The following RGS18 variants were observed in gnomAD, a reference collection of about 807,000 sequenced individuals.
RGS18 encodes regulator of G-protein signaling 18.
Under a neutral mutation model 27.6 loss-of-function variants are expected in RGS18, and 22 were observed. The observed-to-expected ratio is 0.80, with a 90% CI of 0.57 to 1.14. RGS18 has a LOEUF of 1.14. RGS18 is among the 50% of genes most tolerant of loss of function. RGS18 has a pLI of 0.00. For synonymous variants in RGS18, 89 were observed against 84.6 expected, an observed-to-expected ratio of 1.05 and a Z score of -0.29; for missense variants, 299 against 269.6, an observed-to-expected ratio of 1.11 and a Z score of -0.76.
intron 3 of RGS18, among the ~76,000 whole-genome samples, chr1:192,171,825 A>G (rs2102155607): frequency 6.6e-6 from 1 of 152,248 alleles, no homozygotes; most frequent in East Asian, 1.9e-4. Flanking sequence ...AAATGGTGAT[A>G]CAAAAAGAAT....
rs764127073 is a variant in RGS18, at chr1:192,159,170, A to G, written c.120-50A>G. The G allele has an allele frequency of 1.6e-5, 22 of 1,374,726 alleles. No homozygotes were observed. The African/African-American group carries it at 2.9e-4, about 18-fold the overall frequency. 85.2% of individuals were successfully genotyped at this position (1,374,726 alleles called of 1,614,324 possible). On this transcript the variant is annotated intron_variant, in intron 1 of 4. Transcript: ENST00000367460. ...AATTTTCTGGTAGTCAGCAGGAGAG[A>G]TTTTAACTGTCATCTAAATTGTCCT...
In RGS18 at chr1:192,185,356, A is replaced by G. The variant is rs1656530444; in HGVS notation, c.*802A>G. The G allele has an allele frequency of 6.6e-6, 1 of 151,592 alleles. No individual in the cohort carries two copies. The highest frequency in any genetic ancestry group is 2.4e-5 in the African/African-American group (1 of 41,360). 9.4% of individuals were successfully genotyped at this position (151,592 alleles called of 1,614,324 possible). ...GGCTAAGAAAACTTGCTACTAAACTATTAGGCCATCAATGGCTTGAATAAA... is the reference window on the plus strand; with the variant it reads ...GGCTAAGAAAACTTGCTACTAAACTGTTAGGCCATCAATGGCTTGAATAAA... On this transcript the variant is annotated 3_prime_UTR_variant, in exon 5 of 5. Coordinates refer to ENST00000367460, the MANE Select transcript of RGS18 (RefSeq NM_130782.3).
intron 1 of RGS18, 121 bp downstream of exon 1, chr1:192,158,877 T>C (rs867592254): frequency 2.3e-5 from 17 of 740,948 alleles, no homozygotes; most frequent in Middle Eastern, 5.2e-4. Context: ...TTGCTATAAT[T>C]TGGGAAAAAA....
chr1:192,160,295 G>A, intron 2 of RGS18, 83 bp from the exon 3 acceptor site: 1 of 646,618 alleles, frequency 1.5e-6, no homozygotes, highest in Non-Finnish European at 2.7e-6. Context: ...ATTGAAAAGA[G>A]CAGTAAAATA....
chr1:192,185,077 C>A lies in RGS18; in HGVS notation c.*523C>A, dbSNP rs1226923744. On this transcript the variant is annotated 3_prime_UTR_variant, in exon 5 of 5. Coordinates refer to ENST00000367460, the MANE Select transcript of RGS18 (RefSeq NM_130782.3). ...CATTTATTATTGGGTTACTACTAAC[C>A]CTGTCCCAAGAATAGTAATATCACC... 1.3e-5 allele frequency: 2 copies of A among 154,070 alleles called. No individual in the cohort carries two copies. Among genetic ancestry groups the A allele is most frequent in the African/African-American group, 4.8e-5 (2 of 41,298 alleles). 9.5% of individuals were successfully genotyped at this position (154,070 alleles called of 1,614,324 possible).
rs145426547 is a variant in RGS18 at position 192,159,308 on chromosome 1, G to A, written c.208G>A (p.Ala70Thr). The change falls in exon 2 of 5, where the codon GCC (alanine) becomes ACC (threonine). Residue 70 changes from alanine to threonine, a missense_variant. Physicochemically the swap from Ala to Thr is moderately conservative, Grantham distance 58. Coordinates refer to ENST00000367460, the MANE Select transcript of RGS18 (RefSeq NM_130782.3). ...DTRSSRSGHL[A>T]KETRVSPEEA... The stretch of plus-strand genomic sequence containing the variant: ...CCGCTCCAGTAGATCTGGGCACTTG[G>A]CCAAAGAAACAAGGTGAATAAATTT... The A allele has an allele frequency of 1.6e-4, 250 of 1,609,970 alleles. 4 individuals carry two copies. The East Asian group carries it at 5.5e-3, about 36-fold the overall frequency.
intron 2 of RGS18, among the ~76,000 whole-genome samples, chr1:192,159,892 T>A (rs1656040455): frequency 6.6e-6 from 1 of 152,110 alleles, no homozygotes; most frequent in Admixed American, 6.5e-5. Context: ...ATATCTTATA[T>A]TTCTTATCCC....
chr1:192,185,393 G>A lies in RGS18; in HGVS notation c.*839G>A, dbSNP rs1217798413. ...ATGGCTTGAATAAAAACCAGAGAAG[G>A]TTTTTCCCAGGACGTCTCATGTTTG... On this transcript the variant is annotated 3_prime_UTR_variant, in exon 5 of 5. Coordinates refer to ENST00000367460, the MANE Select transcript of RGS18 (RefSeq NM_130782.3). 2.0e-5 allele frequency: 3 copies of A among 151,498 alleles called. No individual in the cohort carries two copies. The highest frequency in any genetic ancestry group is 1.5e-5 in the Non-Finnish European group (1 of 67,696). 9.4% of individuals were successfully genotyped at this position (151,498 alleles called of 1,614,324 possible). A position where few individuals can be genotyped will look rare whatever the true frequency, so the allele number is the denominator to read the frequency against.
Position 192,179,148 on chromosome 1 carries a change from TG to T in RGS18, c.284-2142del, listed in dbSNP as rs1188213445. 2.6e-5 allele frequency among the ~76,000 whole-genome samples: 4 copies of T among 151,474 alleles called. 1 individual carries two copies. Among genetic ancestry groups the T allele is most frequent in the Admixed American group, 6.6e-5 (1 of 15,158 alleles). ...AGATATGCCATCCTACAATCCTATG[TG>T]GAAGAGTATTTGAAAAAGGAGGGGG... On this transcript the variant is annotated intron_variant, in intron 3 of 4. Coordinates refer to ENST00000367460, the MANE Select transcript of RGS18 (RefSeq NM_130782.3).
At chr1:192,181,603 C>G (rs1656457760) in intron 4 of RGS18, 145 bp downstream of exon 4, 2 of 537,082 alleles carry the variant, frequency 3.7e-6, no homozygotes, top group African/African-American at 2.0e-5. Flanking sequence ...ATGTTAATGA[C>G]ATACAGTGTG....
Position 192,175,781 on chromosome 1 carries a change from C to T in RGS18, c.284-5511C>T, listed in dbSNP as rs1656348337. 2.6e-5 allele frequency among the ~76,000 whole-genome samples: 4 copies of T among 151,836 alleles called. No homozygotes were observed. The South Asian group carries it at 8.3e-4, about 31-fold the overall frequency. On this transcript the variant is annotated intron_variant, in intron 3 of 4. Coordinates refer to ENST00000367460, the MANE Select transcript of RGS18 (RefSeq NM_130782.3). ...CCCCTTATAAAGCAGATTCACTCTGCACTGGTTACCAATTAAGCCCCCTAT... is the reference window on the plus strand; with the variant it reads ...CCCCTTATAAAGCAGATTCACTCTGTACTGGTTACCAATTAAGCCCCCTAT...
rs780399434 is a variant in RGS18 at position 192,160,417 on chromosome 1, T to G, written c.261T>G (p.Phe87Leu). The G allele has an allele frequency of 1.9e-6, 3 of 1,612,212 alleles. No homozygotes were observed. Among genetic ancestry groups the G allele is most frequent in the Admixed American group, 3.3e-5 (2 of 59,984 alleles). Residue 87 changes from phenylalanine to leucine, a missense_variant, in exon 3 of 5, where the codon TTT becomes TTG. Phe to Leu is a conservative substitution (Grantham distance 22). Transcript: ENST00000367460. ...PEEAVKWGESFDKLLSHRDGL... is the reference protein window; with the variant it reads ...PEEAVKWGESLDKLLSHRDGL... ...AGGCAGTGAAATGGGGTGAATCATT[T>G]GACAAACTGCTTTCCCATAGAGGTT... is the stretch of plus-strand genomic sequence containing the variant.
chr1:192,174,070 T>C (rs772495091), intron 3 of RGS18, among the ~76,000 whole-genome samples: 2 of 151,700 alleles, frequency 1.3e-5, no homozygotes, highest in Non-Finnish European at 3.0e-5. Context: ...CTAACCACTG[T>C]TTAAGCTGCA....
At chr1:192,171,712 A>C (rs1346565711) in intron 3 of RGS18, among the ~76,000 whole-genome samples, 1 of 152,090 alleles carries the variant, frequency 6.6e-6, no homozygotes, top group Non-Finnish European at 1.5e-5. Flanking sequence ...CTGATTTCCT[A>C]AACAGTAAGT....
At chr1:192,160,343 A>G (rs1656048335) in intron 2 of RGS18, 35 bp from the exon 3 acceptor site, 1 of 1,433,752 alleles carries the variant, frequency 7.0e-7, no homozygotes, top group Non-Finnish European at 9.8e-7. Context: ...GACTTTCTGC[A>G]CACTCCATTA....
rs1164635991 is a variant in RGS18 at position 192,184,589 on chromosome 1, T to C, written c.*35T>C. 1.9e-6 allele frequency: 3 copies of C among 1,583,280 alleles called. No homozygotes were observed. The highest frequency in any genetic ancestry group is 1.7e-6 in the Non-Finnish European group (2 of 1,155,084). ...ATTTTGCTCATTTTTATGACAAACTTATACATCTGCTTCTAACATATCGCA... is the reference window on the plus strand; with the variant it reads ...ATTTTGCTCATTTTTATGACAAACTCATACATCTGCTTCTAACATATCGCA... On this transcript the variant is annotated 3_prime_UTR_variant, in exon 5 of 5. Coordinates refer to ENST00000367460, the MANE Select transcript of RGS18 (RefSeq NM_130782.3).
At chr1:192,181,762 T>C (rs1345225129) in intron 4 of RGS18, among the ~76,000 whole-genome samples, 2 of 151,604 alleles carry the variant, frequency 1.3e-5, no homozygotes, top group Non-Finnish European at 3.0e-5. Flanking sequence ...TTATTCACTA[T>C]AATCACCTAT....
At chr1:192,172,927 A>G (rs911445969) in intron 3 of RGS18, among the ~76,000 whole-genome samples, 1 of 148,350 alleles carries the variant, frequency 6.7e-6, no homozygotes, top group Non-Finnish European at 1.5e-5. Context: ...GGGCAATTGA[A>G]CTTATCTGAA....
intron 3 of RGS18, among the ~76,000 whole-genome samples, chr1:192,167,421 C>T (rs2102153454): frequency 6.6e-6 from 1 of 151,740 alleles, no homozygotes; most frequent in South Asian, 2.1e-4. Context: ...AGCACAAGCA[C>T]TCAACTTTTT....
Sources: allele counts gnomAD v4.1 joint callset (sites outside exome capture counted in the v4.1 genomes callset), GRCh38; gene constraint gnomAD v4.1.1; transcripts MANE v1.5; gene names NCBI Gene and HGNC (gene_info 2026-07-23, HGNC 2026-07-21).